The following AKAP3 variants were observed in gnomAD, a reference collection of about 807,000 sequenced individuals.
The protein encoded by AKAP3 is A-kinase anchoring protein 3.
In AKAP3, 27 loss-of-function variants were observed where a neutral mutation model predicts 57.2. The ratio of observed to expected loss-of-function variants is 0.47; its 90% CI spans 0.35 to 0.65. The LOEUF is 0.65. Ranked by LOEUF, AKAP3 falls within the 30% of genes least tolerant of loss-of-function variation. AKAP3 has a pLI of 0.01. For synonymous variants in AKAP3, 334 were observed against 392.3 expected (o/e 0.85, Z 1.76); for missense variants, 959 against 1,040.0 (o/e 0.92, Z 1.07).
Position 4,627,855 on chromosome 12 carries a change from C to A in AKAP3, c.1047G>T (p.Met349Ile). 1 of 1,614,126 alleles carries A rather than the reference C, an allele frequency of 6.2e-7. No homozygotes were observed. The highest frequency in any genetic ancestry group is 1.1e-5 in the South Asian group (1 of 91,044). ...RNLHSVTGTL[M>I]TDTQFVSAVK... ...CAGCCGAGACAAACTGTGTGTCAGT[C>A]ATGAGGGTCCCTGTGACGCTGTGGA... Residue 349 changes from methionine to isoleucine, a missense_variant, in exon 5 of 6, where the codon ATG becomes ATT. Coordinates refer to ENST00000228850, the MANE Select transcript of AKAP3 (RefSeq NM_001278309.2).
intron 5 of AKAP3, among the ~76,000 whole-genome samples, chr12:4,624,316 CGTGTGTGTGTGTGTGTGTGTGTGTGT>C (rs71061197): frequency 2.3e-5 from 1 of 42,992 alleles, no homozygotes; most frequent in African/African-American, 6.5e-5. Flanking sequence ...TGTGACTTTA[CGTGTGTGTGTGTGTGTGTGTGTGTGT>C]GTGTGTGTGT....
chr12:4,627,329 C>T lies in AKAP3; in HGVS notation c.1573G>A (p.Glu525Lys), dbSNP rs1990312. The change falls in exon 5 of 6, where the codon GAG becomes AAG. Residue 525 changes from glutamate to lysine, a missense_variant. Transcript: ENST00000228850. ...AGCAGGGCAGACACGATCAGGTCCT[C>T]GGCCCAGGAGTCTGAATCATACATA... ...NFMYDSDSWA[E>K]DLIVSALLLI... is the part of the protein sequence containing the mutation. 1 allele frequency: 1,608,667 copies of T among 1,613,998 alleles called. 801,848 individuals are homozygous for T. Among genetic ancestry groups the T allele is most frequent in the East Asian group, 1 (44,856 of 44,856 alleles).
intron 5 of AKAP3, among the ~76,000 whole-genome samples, chr12:4,621,633 T>C (rs1333625739): frequency 7.2e-5 from 11 of 152,188 alleles, no homozygotes; most frequent in Non-Finnish European, 2.9e-5. Flanking sequence ...AAGCTAGATA[T>C]GTAGTAGGCT....
At position 4,626,950 on chromosome 12, in the gene AKAP3, G is replaced by C. The variant is rs1182460628; in HGVS notation, c.1952C>G (p.Ser651Cys). Reference protein sequence around the residue: ...YEDDETPGALSGLTKMAVSQI... With the variant: ...YEDDETPGALCGLTKMAVSQI... ...GCTGACAGCCATCTTGGTCAGCCCA[G>C]AAAGGGCACCAGGGGTCTCATCATC... Residue 651 changes from serine (S) to cysteine (C), a missense_variant, in exon 5 of 6, where the codon TCT (serine) becomes TGT (cysteine). Ser to Cys is a moderately radical substitution (Grantham distance 112). Transcript: ENST00000228850. 2 of 1,614,142 alleles carry C rather than the reference G, an allele frequency of 1.2e-6. No homozygotes were observed. Among genetic ancestry groups the C allele is most frequent in the Admixed American group, 3.3e-5 (2 of 60,020 alleles).
At chr12:4,620,217 C>T (rs186118597) in intron 5 of AKAP3, among the ~76,000 whole-genome samples, 392 of 152,110 alleles carry the variant, frequency 2.6e-3, no homozygotes, top group African/African-American at 8.8e-3. Context: ...TGTGGCCAGA[C>T]GCGGTGGCTC....
At chr12:4,626,002 A>C (rs1368083900) in intron 5 of AKAP3, among the ~76,000 whole-genome samples, 1 of 151,920 alleles carries the variant, frequency 6.6e-6, no homozygotes, top group East Asian at 1.9e-4. Flanking sequence ...GGGTAGGGGG[A>C]AGAGGGGTGT....
chr12:4,627,337 G>A lies in AKAP3; in HGVS notation c.1565C>T (p.Ser522Phe), dbSNP rs766908072. 1 of 1,613,984 alleles carries A rather than the reference G, an allele frequency of 6.2e-7. No homozygotes were observed. Among genetic ancestry groups the A allele is most frequent in the Admixed American group, 1.7e-5 (1 of 59,984 alleles). The change falls in exon 5 of 6, where the codon TCC becomes TTC. Residue 522 changes from serine to phenylalanine, a missense_variant. Transcript: ENST00000228850. ...AGACACGATCAGGTCCTCGGCCCAG[G>A]AGTCTGAATCATACATAAAATTCTC... ...KPENFMYDSDSWAEDLIVSAL... is the reference protein window; with the variant it reads ...KPENFMYDSDFWAEDLIVSAL...
At chr12:4,646,852 G>A (rs1386338450) in intron 1 of AKAP3, among the ~76,000 whole-genome samples, 1 of 151,832 alleles carries the variant, frequency 6.6e-6, no homozygotes, top group Non-Finnish European at 1.5e-5. Context: ...GCACGATCTC[G>A]GCTCACTGCA....
In AKAP3 at chr12:4,627,517, T is replaced by C. The variant is rs1437313979; in HGVS notation, c.1385A>G (p.His462Arg). The C allele has an allele frequency of 6.2e-7, 1 of 1,614,168 alleles. No homozygotes were observed. The highest frequency in any genetic ancestry group is 8.5e-7 in the Non-Finnish European group (1 of 1,180,006). The change falls in exon 5 of 6, where the codon CAT (histidine) becomes CGT (arginine). Residue 462 changes from histidine (H) to arginine (R), a missense_variant. By Grantham distance (29) the His-to-Arg change is conservative. Transcript: ENST00000228850. ...TTTACATTCTTTCTGCTGAGTTTTA[T>C]GCCACAAGGTAAGCCCCTCTTTGAT... is the stretch of plus-strand genomic sequence containing the variant. Reference protein sequence around the residue: ...HIIKEGLTLWHKTQQKECKSL... With the variant: ...HIIKEGLTLWRKTQQKECKSL...
intron 1 of AKAP3, chr12:4,647,982 C>T (rs896485609): frequency 6.6e-6 from 1 of 152,180 alleles, no homozygotes; most frequent in East Asian, 1.9e-4. Flanking sequence ...AAACAAAGCA[C>T]TGGAAGGATT....
intron 2 of AKAP3, 125 bp from the exon 3 acceptor site, chr12:4,642,129 A>G (rs1379722144): frequency 6.6e-6 from 1 of 152,244 alleles, no homozygotes; most frequent in Non-Finnish European, 1.5e-5. Context: ...GCTCAAAATG[A>G]CATTCAAATT....
intron 4 of AKAP3, among the ~76,000 whole-genome samples, chr12:4,635,175 T>A (rs1243486051): frequency 1.3e-5 from 2 of 152,190 alleles, no homozygotes; most frequent in East Asian, 3.8e-4. Flanking sequence ...GACCCATGCA[T>A]GTTATTAAAA....
chr12:4,636,029 G>A (rs1591532609), intron 4 of AKAP3: 1 of 1,499,790 alleles, frequency 6.7e-7, no homozygotes, highest in Non-Finnish European at 9.2e-7. Context: ...TCATGAAATG[G>A]GCCTTTCACA....
At chr12:4,637,458 G>T (rs977278668) in intron 4 of AKAP3, among the ~76,000 whole-genome samples, 1 of 152,166 alleles carries the variant, frequency 6.6e-6, no homozygotes, top group South Asian at 2.1e-4. Context: ...TTCTCAGCCT[G>T]GGGGTAGTAG....
At chr12:4,618,945 A>G (rs1186830665) in intron 5 of AKAP3, among the ~76,000 whole-genome samples, 1 of 152,248 alleles carries the variant, frequency 6.6e-6, no homozygotes, top group Non-Finnish European at 1.5e-5. Flanking sequence ...TCCAGAATAC[A>G]TAAAAGAGCT....
intron 1 of AKAP3, among the ~76,000 whole-genome samples, chr12:4,648,294 T>C (rs973571596): frequency 2.2e-4 from 33 of 152,340 alleles, no homozygotes; most frequent in African/African-American, 7.5e-4. Context: ...ATGGCACACA[T>C]GGCCACTAAA....
rs374817430 is a variant in AKAP3 at position 4,641,062 on chromosome 12, CTTTTTTTTTT to C, written c.-1+827_-1+836del. Among the ~76,000 whole-genome samples the C allele has an allele frequency of 1.2e-4, 8 of 68,714 alleles. 1 individual carries two copies. Among genetic ancestry groups the C allele is most frequent in the Admixed American group, 2.2e-4 (1 of 4,568 alleles). The allele number at this position is 68,714 out of a possible 152,430, so 45.1% of individuals were successfully genotyped here. A position where few individuals can be genotyped will look rare whatever the true frequency, so the allele number is the denominator to read the frequency against. ...TCTCTGAGACAGATTTTCTAACTTC[CTTTTTTTTTT>C]TTTTTTTTTTTTTTTTTGGTGACAA... is the stretch of plus-strand genomic sequence containing the variant. On this transcript the variant is annotated intron_variant, in intron 3 of 5. Transcript: ENST00000228850.
intron 2 of AKAP3, 66 bp from the exon 3 acceptor site, chr12:4,642,070 C>T (rs1945643767): frequency 6.6e-6 from 1 of 151,948 alleles, no homozygotes; most frequent in African/African-American, 2.4e-5. Context: ...TCTTATTACC[C>T]AATAATGTTT....
intron 5 of AKAP3, among the ~76,000 whole-genome samples, chr12:4,620,779 A>G (rs990827560): frequency 6.6e-6 from 1 of 152,186 alleles, no homozygotes; most frequent in African/African-American, 2.4e-5. Flanking sequence ...CCAGTTATAT[A>G]AAAGTCTAGC....
Sources: allele counts gnomAD v4.1 joint callset (sites outside exome capture counted in the v4.1 genomes callset), GRCh38; gene constraint gnomAD v4.1.1; transcripts MANE v1.5; gene names NCBI Gene and HGNC (gene_info 2026-07-23, HGNC 2026-07-21).